The following MC2R variants were observed in gnomAD, a reference collection of about 807,000 sequenced individuals.
MC2R encodes adrenocorticotropic hormone receptor.
In MC2R, 9 loss-of-function variants were observed where a neutral mutation model predicts 9.8. The ratio of observed to expected loss-of-function variants is 0.92; its 90% CI spans 0.55 to 1.60. The LOEUF (loss-of-function observed/expected upper bound fraction) is 1.60, where lower values mean the gene tolerates loss of function less well. MC2R is among the 40% of genes most tolerant of loss of function. The pLI, the probability that MC2R is intolerant of heterozygous loss-of-function variation, is 0.00. For missense variants in MC2R, 370 were observed against 389.0 expected (o/e 0.95, Z 0.41); for synonymous variants, 185 against 154.7 (o/e 1.20, Z -1.45).
Position 13,889,332 on chromosome 18 carries a change from G to A in MC2R, c.-128-3686C>T, listed in dbSNP as rs370572399. Among the ~76,000 whole-genome samples the A allele has an allele frequency of 1.2e-4, 19 of 152,302 alleles. No homozygotes were observed. The East Asian group carries it at 3.7e-3, about 29-fold the overall frequency. On this transcript the variant is annotated intron_variant, in intron 1 of 1. Coordinates refer to ENST00000327606, the MANE Select transcript of MC2R (RefSeq NM_000529.2). ...GCAGTGCTCCCCAGGAGGCAGAGAT[G>A]GGGTGGTGGATGAGAAAGGAGAAAA...
intron 1 of MC2R, among the ~76,000 whole-genome samples, chr18:13,911,045 C>T (rs1224239296): frequency 6.6e-6 from 1 of 152,220 alleles, no homozygotes; most frequent in Non-Finnish European, 1.5e-5. Context: ...AAGCAGTCAG[C>T]GTGGCTCAGC....
chr18:13,901,594 C>T (rs559410313), intron 1 of MC2R, among the ~76,000 whole-genome samples: 2 of 151,982 alleles, frequency 1.3e-5, no homozygotes. Context: ...TTAGTGGCTA[C>T]TATGAGTAAC....
chr18:13,888,764 C>T (rs1009374329), intron 1 of MC2R, among the ~76,000 whole-genome samples: 1 of 152,166 alleles, frequency 6.6e-6, no homozygotes, highest in Non-Finnish European at 1.5e-5. Context: ...CTGTAGAACA[C>T]ACTAAATGAC....
At chr18:13,911,491 T>A (rs2045444157) in intron 1 of MC2R, among the ~76,000 whole-genome samples, 1 of 152,230 alleles carries the variant, frequency 6.6e-6, no homozygotes, top group Non-Finnish European at 1.5e-5. Flanking sequence ...TTCTCCCAGA[T>A]GAAGGCTTTA....
At chr18:13,900,068 T>C (rs1160422972) in intron 1 of MC2R, among the ~76,000 whole-genome samples, 1 of 152,106 alleles carries the variant, frequency 6.6e-6, no homozygotes, top group Non-Finnish European at 1.5e-5. Context: ...ATATGGACAG[T>C]ACAAAAATAT....
intron 1 of MC2R, among the ~76,000 whole-genome samples, chr18:13,889,640 G>A (rs1443628119): frequency 1.3e-5 from 2 of 152,072 alleles, no homozygotes; most frequent in Non-Finnish European, 2.9e-5. Flanking sequence ...GAAAGTCCAG[G>A]GAGCATGGGC....
Position 13,885,160 on chromosome 18 carries a change from C to A in MC2R, c.359G>T (p.Ser120Ile). The change falls in exon 2 of 2, where the codon AGC (serine) becomes ATC (isoleucine). Residue 120 changes from serine (S) to isoleucine (I), a missense_variant. Physicochemically the swap from Ser to Ile is moderately radical, Grantham distance 142. Coordinates refer to ENST00000327606, the MANE Select transcript of MC2R (RefSeq NM_000529.2). Reference sequence around the variant, plus strand: ...GCGGTCCGCAGCAATCACAGACAGGCTGAAGATGGAGCCAAGCAGGGAGAG... The same window carrying A: ...GCGGTCCGCAGCAATCACAGACAGGATGAAGATGGAGCCAAGCAGGGAGAG... ...FVLSLLGSIF[S>I]LSVIAADRYI... 1.2e-6 allele frequency: 2 copies of A among 1,614,118 alleles called. No individual in the cohort carries two copies. The highest frequency in any genetic ancestry group is 1.7e-6 in the Non-Finnish European group (2 of 1,180,030).
At chr18:13,895,503 C>T (rs537239194) in intron 1 of MC2R, among the ~76,000 whole-genome samples, 70 of 152,170 alleles carry the variant, frequency 4.6e-4, no homozygotes, top group African/African-American at 1.6e-3. Context: ...ATGGGACCTT[C>T]GTGCAAGAGA....
At chr18:13,893,547 A>G (rs1046742389) in intron 1 of MC2R, among the ~76,000 whole-genome samples, 1 of 152,160 alleles carries the variant, frequency 6.6e-6, no homozygotes, top group African/African-American at 2.4e-5. Flanking sequence ...TACCCTCCAC[A>G]TGAAAAAAAG....
At chr18:13,887,767 C>T (rs1009077931) in intron 1 of MC2R, among the ~76,000 whole-genome samples, 3 of 152,162 alleles carry the variant, frequency 2.0e-5, no homozygotes, top group Non-Finnish European at 2.9e-5. Context: ...CGGACTAGCA[C>T]AGAAGTGTGA....
intron 1 of MC2R, among the ~76,000 whole-genome samples, chr18:13,905,701 A>G (rs1186345194): frequency 3.9e-5 from 6 of 152,196 alleles, no homozygotes; most frequent in Non-Finnish European, 7.3e-5. Context: ...TTCCTCAAGG[A>G]TCTAGAACTG....
rs1166867531 is a variant in MC2R, at chr18:13,885,060, G to A, written c.459C>T (p.Val153=). ...TMRRTVVVLT[V]IWTFCTGTGI... ...CAGTCCCCGTGCAGAACGTCCAGAT[G>A]ACCGTAAGCACCACCACAGTGCGGC... Residue 153 remains valine, a synonymous_variant, in exon 2 of 2, where the codon GTC becomes GTT. Transcript: ENST00000327606. 2 of 1,614,056 alleles carry A rather than the reference G, an allele frequency of 1.2e-6. No homozygotes were observed. Among genetic ancestry groups the A allele is most frequent in the African/African-American group, 1.3e-5 (1 of 74,922 alleles).
chr18:13,905,364 T>C (rs2045407103), intron 1 of MC2R, among the ~76,000 whole-genome samples: 1 of 151,990 alleles, frequency 6.6e-6, no homozygotes. Flanking sequence ...CGTGTGCCTG[T>C]AGTTCCAGCT....
Position 13,885,445 on chromosome 18 carries a change from A to G in MC2R, c.74T>C (p.Val25Ala). Residue 25 changes from valine to alanine, a missense_variant, in exon 2 of 2, where the codon GTT becomes GCT. By Grantham distance (64) the Val-to-Ala change is moderately conservative. Coordinates refer to ENST00000327606, the MANE Select transcript of MC2R (RefSeq NM_000529.2). Reference sequence around the variant, plus strand: ...TGTGAAAAATATCTCCTCCGGCAAAACCACACGAGGACAGTCGGAATTATT... The same window carrying G: ...TGTGAAAAATATCTCCTCCGGCAAAGCCACACGAGGACAGTCGGAATTATT... ...ARNNSDCPRV[V>A]LPEEIFFTIS... 3 of 1,614,072 alleles carry G rather than the reference A, an allele frequency of 1.9e-6. No individual in the cohort carries two copies. Among genetic ancestry groups the G allele is most frequent in the Non-Finnish European group, 2.5e-6 (3 of 1,179,992 alleles).
At chr18:13,894,463 A>G (rs985270918) in intron 1 of MC2R, among the ~76,000 whole-genome samples, 4 of 152,236 alleles carry the variant, frequency 2.6e-5, no homozygotes, top group Admixed American at 6.5e-5. Context: ...ATGTAAATAA[A>G]TGAAGATAAC....
At chr18:13,893,549 GA>G (rs1049752446) in intron 1 of MC2R, among the ~76,000 whole-genome samples, 2 of 151,988 alleles carry the variant, frequency 1.3e-5, no homozygotes, top group African/African-American at 4.8e-5. Flanking sequence ...CCCTCCACAT[GA>G]AAAAAAGTCT....
At chr18:13,914,246 C>T (rs2045463237) in intron 1 of MC2R, among the ~76,000 whole-genome samples, 1 of 152,122 alleles carries the variant, frequency 6.6e-6, no homozygotes, top group Non-Finnish European at 1.5e-5. Flanking sequence ...TAAGCGGTGT[C>T]CCAAAGGCAG....
intron 1 of MC2R, among the ~76,000 whole-genome samples, chr18:13,892,631 ACT>A (rs2045321875): frequency 7.0e-6 from 1 of 142,586 alleles, no homozygotes. Context: ...CAATAAATGA[ACT>A]TTTTTTTTTC....
chr18:13,906,129 C>T (rs554476977), intron 1 of MC2R, among the ~76,000 whole-genome samples: 18 of 152,212 alleles, frequency 1.2e-4, no homozygotes, highest in East Asian at 7.7e-4. Context: ...CACATGCACA[C>T]GTATGTTTAT....
Sources: allele counts gnomAD v4.1 joint callset (sites outside exome capture counted in the v4.1 genomes callset), GRCh38; gene constraint gnomAD v4.1.1; transcripts MANE v1.5; gene names NCBI Gene and HGNC (gene_info 2026-07-23, HGNC 2026-07-21).